The following PPARGC1A variants were observed in gnomAD, a reference collection of about 807,000 sequenced individuals.
The protein encoded by PPARGC1A is peroxisome proliferator-activated receptor gamma coactivator 1-alpha.
A neutral mutation model predicts 88.7 loss-of-function variants in PPARGC1A; 25 were observed. That is an observed-to-expected ratio of 0.28 (90% CI 0.21 to 0.39). The LOEUF (loss-of-function observed/expected upper bound fraction) is 0.39, where lower values mean the gene tolerates loss of function less well. Ranked by LOEUF, PPARGC1A falls within the 10% of genes least tolerant of loss-of-function variation. The pLI is 1.00. For synonymous variants in PPARGC1A, 363 were observed against 355.6 expected, an observed-to-expected ratio of 1.02 and a Z score of -0.24; for missense variants, 880 against 968.7, an observed-to-expected ratio of 0.91 and a Z score of 1.22.
chr4:24,034,456 C>T, the PPARGC1A span, among the ~76,000 whole-genome samples: 6 of 152,044 alleles, frequency 3.9e-5, no homozygotes, highest in Admixed American at 6.6e-5. Flanking sequence ...TTAAACTTTT[C>T]GATGTGATAA....
chr4:24,434,157 A>G, the PPARGC1A span, among the ~76,000 whole-genome samples: 21,508 of 152,230 alleles, frequency 0.14, 1,724 homozygotes, highest in African/African-American at 0.21. Context: ...CTAATGAGAG[A>G]TATAAACAAC....
chr4:23,827,413 T>C (rs748350788), intron 5 of PPARGC1A, among the ~76,000 whole-genome samples: 1 of 151,622 alleles, frequency 6.6e-6, no homozygotes, highest in Non-Finnish European at 1.5e-5. Context: ...AAAGGAAAAG[T>C]TGGGAAAATG....
chr4:23,872,853 A>G (rs1277647123), intron 2 of PPARGC1A, among the ~76,000 whole-genome samples: 1 of 152,190 alleles, frequency 6.6e-6, no homozygotes, highest in Non-Finnish European at 1.5e-5. Flanking sequence ...ACGATGTTGC[A>G]AAAGTTGGAA....
At chr4:24,308,854 T>C in the PPARGC1A span, among the ~76,000 whole-genome samples, 4 of 152,100 alleles carry the variant, frequency 2.6e-5, no homozygotes, top group Admixed American at 2.6e-4. Context: ...TTACCCAGAG[T>C]CATCCAGCTA....
At chr4:23,969,262 C>T in the PPARGC1A span, among the ~76,000 whole-genome samples, 2 of 152,190 alleles carry the variant, frequency 1.3e-5, no homozygotes, top group African/African-American at 4.8e-5. Flanking sequence ...TGAGGGCTTA[C>T]TGTGTACGCT....
At chr4:24,432,487 T>C in the PPARGC1A span, among the ~76,000 whole-genome samples, 15 of 152,172 alleles carry the variant, frequency 9.9e-5, no homozygotes, top group African/African-American at 3.1e-4. Flanking sequence ...ACTGACTTCA[T>C]ATGGTGTCAA....
At chr4:23,970,674 C>T in the PPARGC1A span, among the ~76,000 whole-genome samples, 2 of 152,168 alleles carry the variant, frequency 1.3e-5, no homozygotes, top group Non-Finnish European at 2.9e-5. Context: ...TCAATTTATT[C>T]TGGTGAGTGT....
chr4:24,185,032 G>A, the PPARGC1A span, among the ~76,000 whole-genome samples: 3 of 152,128 alleles, frequency 2.0e-5, no homozygotes, highest in Non-Finnish European at 4.4e-5. Context: ...CAGGTGGAGA[G>A]GCTTAATTAT....
the PPARGC1A span, among the ~76,000 whole-genome samples, chr4:24,130,426 ATCACACTT>A: frequency 6.6e-6 from 1 of 152,190 alleles, no homozygotes; most frequent in African/African-American, 2.4e-5. Context: ...TCTCCAGCCC[ATCACACTT>A]TCAAAGACCT....
the PPARGC1A span, among the ~76,000 whole-genome samples, chr4:24,255,592 T>A: frequency 2.1e-3 from 319 of 152,328 alleles, no homozygotes; most frequent in African/African-American, 7.3e-3. Context: ...GTGGGAACCC[T>A]CCTTGCTGAT....
At chr4:24,278,448 C>G in the PPARGC1A span, among the ~76,000 whole-genome samples, 1 of 152,176 alleles carries the variant, frequency 6.6e-6, no homozygotes, top group Non-Finnish European at 1.5e-5. Context: ...AACTATGTGT[C>G]AGACTTTGTC....
chr4:24,206,752 A>C, the PPARGC1A span, among the ~76,000 whole-genome samples: 5 of 149,736 alleles, frequency 3.3e-5, no homozygotes, highest in Non-Finnish European at 5.9e-5. Context: ...AGGCAGAAGA[A>C]TCTCTTGAAC....
chr4:24,326,070 A>G, the PPARGC1A span, among the ~76,000 whole-genome samples: 1 of 151,948 alleles, frequency 6.6e-6, no homozygotes, highest in Non-Finnish European at 1.5e-5. Context: ...CCTCCTTTGC[A>G]TCCTCCTCTT....
the PPARGC1A span, among the ~76,000 whole-genome samples, chr4:24,387,832 GAGAGAA>G: frequency 1.8e-3 from 180 of 100,514 alleles, 8 homozygotes; most frequent in South Asian, 4.3e-3. Context: ...AAGAGAGAAA[GAGAGAA>G]AGAGAGAGAG....
At chr4:23,921,643 G>A in the PPARGC1A span, among the ~76,000 whole-genome samples, 1 of 152,204 alleles carries the variant, frequency 6.6e-6, no homozygotes, top group Non-Finnish European at 1.5e-5. Context: ...AACGAGACAA[G>A]CGCACTTTGT....
At chr4:23,948,055 T>C in the PPARGC1A span, among the ~76,000 whole-genome samples, 1 of 152,140 alleles carries the variant, frequency 6.6e-6, no homozygotes. Context: ...GCATGCCTTC[T>C]GAATTCTTAT....
chr4:24,404,920 A>T, the PPARGC1A span, among the ~76,000 whole-genome samples: 16 of 152,016 alleles, frequency 1.1e-4, no homozygotes, highest in African/African-American at 3.1e-4. Context: ...CCCAAATAAG[A>T]CTCTGAAGAC....
At chr4:24,380,658 C>A in the PPARGC1A span, among the ~76,000 whole-genome samples, 1 of 151,882 alleles carries the variant, frequency 6.6e-6, no homozygotes. Context: ...CGGGTTTAAC[C>A]CAGGGAGGAT....
intron 2 of PPARGC1A, among the ~76,000 whole-genome samples, chr4:23,832,463 C>T (rs747446166): frequency 9.2e-5 from 14 of 152,132 alleles, no homozygotes; most frequent in Non-Finnish European, 1.8e-4. Flanking sequence ...AACAATTCTT[C>T]ATACCCAAAC....
Sources: gnomAD v4.1 joint callset for allele counts (sites outside exome capture counted in the v4.1 genomes callset) on GRCh38, gnomAD v4.1.1 for gene constraint, MANE v1.5 for transcripts, NCBI Gene and HGNC (gene_info 2026-07-23, HGNC 2026-07-21) for gene names.